Variants in HDX observed in about 807,000 individuals in gnomAD.
HDX encodes chromosome X open reading frame 43.
A neutral mutation model predicts 45.2 loss-of-function variants in HDX; 19 were observed. The observed-to-expected ratio is 0.42, with a 90% CI of 0.29 to 0.62. The LOEUF (loss-of-function observed/expected upper bound fraction) is 0.62. Ranked by LOEUF, HDX falls within the 20% of genes least tolerant of loss-of-function variation. The pLI is 0.20. For missense variants in HDX, 532 were observed against 493.9 expected (o/e 1.08, Z -0.73); for synonymous variants, 188 against 172.8 (o/e 1.09, Z -0.69).
chrX:84,449,402 TC>T (rs1371862695), intron 4 of HDX, among the ~76,000 whole-genome samples: 1 of 111,595 alleles, frequency 9.0e-6, no homozygotes, highest in Admixed American at 9.5e-5. Flanking sequence ...AAAGAGAGAT[TC>T]TGAAAACAGC....
intron 6 of HDX, among the ~76,000 whole-genome samples, chrX:84,349,599 A>ATG (rs199767366): frequency 0.057 from 4,604 of 80,221 alleles, 186 homozygotes; most frequent in East Asian, 0.23. Context: ...CTATATGTTT[A>ATG]TGTGTGTGTG....
chrX:84,384,430 A>C (rs1046435642), intron 5 of HDX, among the ~76,000 whole-genome samples: 1 of 109,729 alleles, frequency 9.1e-6, no homozygotes, highest in Non-Finnish European at 1.9e-5. Flanking sequence ...AGGCCTTTGT[A>C]GTATGCACAG....
intron 2 of HDX, among the ~76,000 whole-genome samples, chrX:84,475,826 G>C (rs1328825563): frequency 9.0e-6 from 1 of 111,476 alleles, no homozygotes; most frequent in Non-Finnish European, 1.9e-5. Flanking sequence ...ATGTCTTATA[G>C]CCAGAAGCTG....
At chrX:84,470,443 T>C (rs1242314884) in intron 3 of HDX, among the ~76,000 whole-genome samples, 3 of 111,836 alleles carry the variant, frequency 2.7e-5, no homozygotes, top group African/African-American at 9.7e-5. Flanking sequence ...TATTTTTATA[T>C]TGAGGTGTTT....
intron 5 of HDX, among the ~76,000 whole-genome samples, chrX:84,362,016 C>T (rs57326333): frequency 0.22 from 24,008 of 110,414 alleles, 2,398 homozygotes; most frequent in African/African-American, 0.39. Context: ...ATTCACATAC[C>T]AAACACAGAA....
intron 1 of HDX, among the ~76,000 whole-genome samples, chrX:84,490,063 G>C (rs898660925): frequency 1.8e-5 from 2 of 111,260 alleles, no homozygotes; most frequent in Non-Finnish European, 3.8e-5. Flanking sequence ...TTAAGTTATG[G>C]AATGTATAGT....
In HDX at chrX:84,341,873, A is replaced by C. The variant is rs6623002; in HGVS notation, c.1660+2377T>G. 2.2e-3 allele frequency among the ~76,000 whole-genome samples: 241 copies of C among 110,321 alleles called. 2 individuals are homozygous for C. The highest frequency in any genetic ancestry group is 7.5e-3 in the African/African-American group (229 of 30,386). On this transcript the variant is annotated intron_variant, in intron 7 of 10. Coordinates refer to ENST00000373177, the MANE Select transcript of HDX (RefSeq NM_001177479.2). ...CAGCTTTCCAAGTAGCTGAGACTACAGGCATGCCACTGCACCCGACTCTTT... is the reference window on the plus strand; with the variant it reads ...CAGCTTTCCAAGTAGCTGAGACTACCGGCATGCCACTGCACCCGACTCTTT...
At position 84,349,609 on chromosome X, in the gene HDX, G is replaced by GTATATA. The variant is rs752855941; in HGVS notation, c.1453-5158_1453-5153dup. Among the ~76,000 whole-genome samples the GTATATA allele has an allele frequency of 3.9e-3, 302 of 77,559 alleles. 2 individuals are homozygous for GTATATA. The highest frequency in any genetic ancestry group is 0.017 in the Middle Eastern group (2 of 120). 67.4% of individuals were successfully genotyped at this position (77,559 alleles called of 115,157 possible). A position where few individuals can be genotyped will look rare whatever the true frequency, so the allele number is the denominator to read the frequency against. On this transcript the variant is annotated intron_variant, in intron 6 of 10. Coordinates refer to ENST00000373177, the MANE Select transcript of HDX (RefSeq NM_001177479.2). ...TACATCTATATGTTTATGTGTGTGT[G>GTATATA]TATATATATATATATATATATAAAC...
At chrX:84,408,200 A>C (rs2038880267) in intron 5 of HDX, among the ~76,000 whole-genome samples, 1 of 110,978 alleles carries the variant, frequency 9.0e-6, no homozygotes, top group Admixed American at 9.6e-5. Flanking sequence ...TCTTTAATGT[A>C]TCTTTAGTTG....
chrX:84,360,320 C>T (rs1250720245), intron 6 of HDX, among the ~76,000 whole-genome samples: 1 of 111,989 alleles, frequency 8.9e-6, no homozygotes, highest in Non-Finnish European at 1.9e-5. Flanking sequence ...AACACTTTTA[C>T]ACTGTAGGTG....
chrX:84,490,334 C>T (rs919001155), intron 1 of HDX, among the ~76,000 whole-genome samples: 2 of 111,752 alleles, frequency 1.8e-5, no homozygotes, highest in Admixed American at 9.5e-5. Context: ...AAGTGACCCT[C>T]AAGTAATAGA....
intron 5 of HDX, 60 bp from the exon 6 acceptor site, chrX:84,361,672 A>T: frequency 1.1e-6 from 1 of 934,504 alleles, no homozygotes; most frequent in Non-Finnish European, 1.4e-6. Context: ...CAAAGGAAAT[A>T]ATATTATAAA....
chrX:84,336,058 C>T (rs1385451992), intron 8 of HDX, among the ~76,000 whole-genome samples: 3 of 109,934 alleles, frequency 2.7e-5, no homozygotes, highest in South Asian at 3.9e-4. Flanking sequence ...AAACACAGAA[C>T]GTTGATTCAA....
Position 84,320,188 on chromosome X carries a change from G to T in HDX, c.*1701C>A, listed in dbSNP as rs373344702. On this transcript the variant is annotated 3_prime_UTR_variant, in exon 11 of 11. Transcript: ENST00000373177. The stretch of plus-strand genomic sequence containing the variant: ...ATTTAATCGTAATATCTGAGGCTCT[G>T]TTACTCTCTGCTGCTTTCTCTGAAT... The T allele has an allele frequency of 5.4e-5, 6 of 110,754 alleles. No individual in the cohort carries two copies. In the East Asian group the frequency reaches 8.5e-4, roughly 16 times the overall value. The allele number at this position is 110,754 out of a possible 1,213,427, so 9.1% of individuals were successfully genotyped here. A position where few individuals can be genotyped will look rare whatever the true frequency, so the allele number is the denominator to read the frequency against.
At chrX:84,478,400 C>G (rs2040601127) in intron 2 of HDX, among the ~76,000 whole-genome samples, 1 of 111,374 alleles carries the variant, frequency 9.0e-6, no homozygotes, top group African/African-American at 3.3e-5. Context: ...CTTAGGTGTT[C>G]CAGATAGCAA....
chrX:84,354,216 T>A (rs779426856), intron 6 of HDX, among the ~76,000 whole-genome samples: 32 of 111,817 alleles, frequency 2.9e-4, no homozygotes, highest in Non-Finnish European at 5.3e-4. Context: ...TAGTAGTGAA[T>A]CTTTTCAACC....
rs2036560004 is a variant in HDX, at chrX:84,319,576, A to C, written c.*2313T>G. On this transcript the variant is annotated 3_prime_UTR_variant, in exon 11 of 11. Coordinates refer to ENST00000373177, the MANE Select transcript of HDX (RefSeq NM_001177479.2). ...AAAATATTCTGGTGCTGAAACACAA[A>C]TTTCAAGACAAAAGGAGTTCTAAAT... 9.0e-6 allele frequency: 1 copy of C among 111,068 alleles called. No individual in the cohort carries two copies. Among genetic ancestry groups the C allele is most frequent in the South Asian group, 3.7e-4 (1 of 2,714 alleles). 9.2% of individuals were successfully genotyped at this position (111,068 alleles called of 1,213,427 possible). A position where few individuals can be genotyped will look rare whatever the true frequency, so the allele number is the denominator to read the frequency against.
At chrX:84,478,644 A>G (rs2040605661) in intron 2 of HDX, among the ~76,000 whole-genome samples, 1 of 111,906 alleles carries the variant, frequency 8.9e-6, no homozygotes. Flanking sequence ...TTTTGAGACC[A>G]GGAATTTGAA....
intron 4 of HDX, among the ~76,000 whole-genome samples, chrX:84,452,827 A>G (rs1050361272): frequency 8.9e-6 from 1 of 112,071 alleles, no homozygotes; most frequent in Non-Finnish European, 1.9e-5. Context: ...CATCAACTCA[A>G]GATAAAACCT....
Sources: allele counts gnomAD v4.1 joint callset (sites outside exome capture counted in the v4.1 genomes callset), GRCh38; gene constraint gnomAD v4.1.1; transcripts MANE v1.5; gene names NCBI Gene and HGNC (gene_info 2026-07-23, HGNC 2026-07-21).